RORA: variants seen among roughly 807,000 people sequenced by gnomAD.
RORA encodes nuclear receptor ROR-alpha.
RORA carries 7 observed loss-of-function variants against 69.5 expected under a neutral mutation model. That is an observed-to-expected ratio of 0.10 (90% confidence interval 0.06 to 0.19). RORA has a LOEUF of 0.19. Ranked by LOEUF, RORA falls within the 10% of genes least tolerant of loss-of-function variation. RORA has a pLI of 1.00. For synonymous variants in RORA, 261 were observed against 240.8 expected (o/e 1.08, Z -0.78); for missense variants, 457 against 663.0 (o/e 0.69, Z 3.41).
At chr15:61,043,864 T>C (rs1233203070) in intron 1 of RORA, among the ~76,000 whole-genome samples, 3 of 152,180 alleles carry the variant, frequency 2.0e-5, no homozygotes, top group Admixed American at 2.0e-4. Flanking sequence ...TCTTAAGCAC[T>C]GTGTAGCCTG....
intron 1 of RORA, among the ~76,000 whole-genome samples, chr15:61,020,692 T>C (rs537368258): frequency 6.6e-6 from 1 of 152,192 alleles, no homozygotes; most frequent in Admixed American, 6.5e-5. Context: ...CACTATTAGA[T>C]TTTGTAGTCT....
At chr15:60,590,600 A>G (rs952998247) in intron 2 of RORA, among the ~76,000 whole-genome samples, 5 of 152,190 alleles carry the variant, frequency 3.3e-5, no homozygotes, top group African/African-American at 1.2e-4. Context: ...AATCAATTTT[A>G]TAATTTAAAG....
chr15:60,532,986 T>C (rs922826324), intron 2 of RORA, among the ~76,000 whole-genome samples: 3 of 152,196 alleles, frequency 2.0e-5, no homozygotes, highest in Non-Finnish European at 4.4e-5. Flanking sequence ...TGTCACATAG[T>C]GTAAGTACCA....
Position 60,883,729 on chromosome 15 carries a change from GAAGA to G in RORA, c.167-205047_167-205044del, listed in dbSNP as rs1474227642. Among the ~76,000 whole-genome samples, 8 of 152,298 alleles carry G rather than the reference GAAGA, an allele frequency of 5.3e-5. No homozygotes were observed. In the East Asian group the frequency reaches 1.3e-3, roughly 26 times the overall value. On this transcript the variant is annotated intron_variant, in intron 1 of 10. Transcript: ENST00000335670. The stretch of plus-strand genomic sequence containing the variant: ...TAAGCATGTGCTACTTTTATAAATA[GAAGA>G]TAGATTGTGTTGTTTGTGCAAAAAG...
chr15:61,127,242 T>C (rs2079151008), intron 1 of RORA, among the ~76,000 whole-genome samples: 1 of 152,180 alleles, frequency 6.6e-6, no homozygotes, highest in South Asian at 2.1e-4. Context: ...AAGGACTCAA[T>C]TTATGTCTCA....
intron 1 of RORA, among the ~76,000 whole-genome samples, chr15:61,189,856 C>A (rs1359130116): frequency 7.2e-4 from 31 of 42,882 alleles, no homozygotes; most frequent in African/African-American, 2.0e-3. Context: ...GACTCTGTCT[C>A]AAAAAAAAAA....
intron 1 of RORA, among the ~76,000 whole-genome samples, chr15:60,792,629 C>A (rs111503888): frequency 2.0e-5 from 3 of 152,154 alleles, no homozygotes; most frequent in Non-Finnish European, 4.4e-5. Flanking sequence ...GGCCAGAAGA[C>A]AACGGAATAA....
intron 1 of RORA, among the ~76,000 whole-genome samples, chr15:60,796,663 C>T (rs191748568): frequency 6.6e-6 from 1 of 152,070 alleles, no homozygotes; most frequent in Non-Finnish European, 1.5e-5. Flanking sequence ...ATCATATAAT[C>T]CAGCAATTTC....
At chr15:60,850,825 T>C (rs2073316007) in intron 1 of RORA, among the ~76,000 whole-genome samples, 1 of 152,200 alleles carries the variant, frequency 6.6e-6, no homozygotes, top group Admixed American at 6.5e-5. Context: ...CAGGGTGAGA[T>C]GTTTTCCTTG....
chr15:60,783,809 C>T (rs940538242), intron 1 of RORA, among the ~76,000 whole-genome samples: 5 of 152,212 alleles, frequency 3.3e-5, no homozygotes, highest in African/African-American at 2.4e-5. Flanking sequence ...ACTTTAAATG[C>T]CAGGGTTTCA....
At chr15:60,750,246 G>C (rs2071704656) in intron 1 of RORA, among the ~76,000 whole-genome samples, 1 of 152,172 alleles carries the variant, frequency 6.6e-6, no homozygotes, top group Non-Finnish European at 1.5e-5. Flanking sequence ...AAGCCTAGGA[G>C]ACCCAGGTCA....
chr15:60,877,334 A>C (rs1434787682), intron 1 of RORA, among the ~76,000 whole-genome samples: 4 of 152,286 alleles, frequency 2.6e-5, no homozygotes, highest in Non-Finnish European at 2.9e-5. Flanking sequence ...TAACCTTCTC[A>C]TCTACCTCTC....
At chr15:61,117,178 C>CTTTTTTTTT (rs35859710) in intron 1 of RORA, among the ~76,000 whole-genome samples, 1 of 138,402 alleles carries the variant, frequency 7.2e-6, no homozygotes, top group Non-Finnish European at 1.6e-5. Flanking sequence ...TTAAAAGTTA[C>CTTTTTTTTT]TTTTTTTTTT....
At chr15:61,055,392 A>C (rs940125752) in intron 1 of RORA, among the ~76,000 whole-genome samples, 1 of 152,144 alleles carries the variant, frequency 6.6e-6, no homozygotes, top group Non-Finnish European at 1.5e-5. Flanking sequence ...GTGAGAATTA[A>C]TATTTATTTT....
At chr15:60,652,920 T>A (rs1408332574) in intron 2 of RORA, among the ~76,000 whole-genome samples, 1 of 152,206 alleles carries the variant, frequency 6.6e-6, no homozygotes, top group Non-Finnish European at 1.5e-5. Context: ...CACTTTCCCA[T>A]CCTGCCCTCT....
At chr15:61,056,076 C>G (rs946274162) in intron 1 of RORA, among the ~76,000 whole-genome samples, 3 of 152,144 alleles carry the variant, frequency 2.0e-5, no homozygotes, top group Non-Finnish European at 2.9e-5. Context: ...CATACTACTT[C>G]TATGCTTTAA....
intron 1 of RORA, among the ~76,000 whole-genome samples, chr15:61,102,306 C>T (rs549307921): frequency 3.9e-5 from 6 of 152,276 alleles, no homozygotes; most frequent in Non-Finnish European, 7.4e-5. Flanking sequence ...GACTACAAAA[C>T]GTCACACAGG....
intron 1 of RORA, among the ~76,000 whole-genome samples, chr15:60,835,571 C>T (rs568418084): frequency 6.6e-6 from 1 of 152,284 alleles, no homozygotes; most frequent in Non-Finnish European, 1.5e-5. Context: ...CTTCACATCA[C>T]AAAGCAGTTT....
At chr15:61,159,086 A>T (rs2079471549) in intron 1 of RORA, among the ~76,000 whole-genome samples, 1 of 152,196 alleles carries the variant, frequency 6.6e-6, no homozygotes, top group East Asian at 1.9e-4. Flanking sequence ...AGATAGACAT[A>T]ACTAGACAAA....
Sources: allele counts gnomAD v4.1 joint callset (sites outside exome capture counted in the v4.1 genomes callset), GRCh38; gene constraint gnomAD v4.1.1; transcripts MANE v1.5; gene names NCBI Gene and HGNC (gene_info 2026-07-23, HGNC 2026-07-21).